Variants in MNT observed in about 807,000 individuals in gnomAD.
MNT encodes max-binding protein MNT.
A neutral mutation model predicts 40.7 loss-of-function variants in MNT; 13 were observed. That is an observed-to-expected ratio of 0.32 (90% CI 0.21 to 0.51). MNT has a LOEUF of 0.51. Among genes scored for constraint, MNT ranks in the 20% least tolerant of loss-of-function variants. The pLI, the probability that MNT is intolerant of heterozygous loss-of-function variation, is 0.98. For synonymous variants in MNT, 426 were observed against 354.8 expected, an observed-to-expected ratio of 1.20 and a Z score of -2.26; for missense variants, 757 against 792.0, an observed-to-expected ratio of 0.96 and a Z score of 0.53.
At chr17:2,387,836 A>T in intron 5 of MNT, 21 bp downstream of exon 5, 1 of 1,579,996 alleles carries the variant, frequency 6.3e-7, no homozygotes, top group South Asian at 1.1e-5. Context: ...CTGGGGGGCC[A>T]GCGTGGGGGC....
chr17:2,394,492 T>G lies in MNT; in HGVS notation c.654-146A>C, dbSNP rs1285962865. On this transcript the variant is annotated intron_variant, in intron 2 of 5. Transcript: ENST00000174618. ...ACTGGGAGACGTTCGCCCTGTGCCA[T>G]GCTGCGCCCACCCCCTGGAGGACAC... 3.3e-6 allele frequency: 4 copies of G among 1,203,664 alleles called. No homozygotes were observed. In the East Asian group the frequency reaches 9.4e-5, roughly 28 times the overall value. The allele number at this position is 1,203,664 out of a possible 1,614,324, so 74.6% of individuals were successfully genotyped here.
At position 2,386,930 on chromosome 17, in the gene MNT, A is replaced by G; in HGVS notation, c.1720T>C (p.Phe574Leu). 6.7e-7 allele frequency: 1 copy of G among 1,490,984 alleles called. No individual in the cohort carries two copies. Among genetic ancestry groups the G allele is most frequent in the Non-Finnish European group, 8.9e-7 (1 of 1,118,060 alleles). 92.4% of individuals were successfully genotyped at this position (1,490,984 alleles called of 1,614,324 possible). The part of the protein sequence containing the change: ...NPVTMVTMPS[F>L]PVSTLKLA ...GCCAGCTTGAGTGTGCTGACTGGGA[A>G]GGAGGGCATGGTGACCATGGTCACA... Residue 574 changes from phenylalanine (F) to leucine (L), a missense_variant, in exon 6 of 6, where the codon TTC becomes CTC. Physicochemically the swap from Phe to Leu is conservative, Grantham distance 22 (BLOSUM62 0). This residue lies in a region of MNT where 345 missense variants were observed against 380.1 expected (regional missense o/e 0.91). Transcript: ENST00000174618.
At position 2,400,938 on chromosome 17, in the gene MNT, GCA is replaced by G; in HGVS notation, c.-228_-227del. 9.5e-6 allele frequency: 3 copies of G among 315,798 alleles called. No homozygotes were observed. Among genetic ancestry groups the G allele is most frequent in the South Asian group, 8.6e-5 (1 of 11,570 alleles). 19.6% of individuals were successfully genotyped at this position (315,798 alleles called of 1,614,324 possible). ...AATTGCAAATTTAAAAAAATGGGAT[GCA>G]AAAAAAAAAAAAAGGCGGCACTGCC... is the stretch of plus-strand genomic sequence containing the variant. On this transcript the variant is annotated 5_prime_UTR_variant, in exon 1 of 6. Transcript: ENST00000174618.
intron 4 of MNT, 103 bp downstream of exon 4, chr17:2,393,940 G>A: frequency 4.4e-6 from 3 of 688,826 alleles, no homozygotes; most frequent in South Asian, 3.9e-5. Context: ...GGGAGGCGCG[G>A]GGGAGCCGCC....
intron 3 of MNT, 42 bp downstream of exon 3, chr17:2,394,263 G>GTGCA: frequency 6.6e-7 from 1 of 1,515,374 alleles, no homozygotes; most frequent in Admixed American, 1.9e-5. Context: ...CGGGTCGCGC[G>GTGCA]CGCACGCACG....
chr17:2,400,765 C>T lies in MNT; in HGVS notation c.-53G>A. 2 of 1,468,780 alleles carry T rather than the reference C, an allele frequency of 1.4e-6. No individual in the cohort carries two copies. Among genetic ancestry groups the T allele is most frequent in the Non-Finnish European group, 1.8e-6 (2 of 1,109,080 alleles). 91.0% of individuals were successfully genotyped at this position (1,468,780 alleles called of 1,614,324 possible). The stretch of plus-strand genomic sequence containing the variant: ...GGGGCCGAGGCTGCGGCCCGCGAGC[C>T]GGGCACAGGTCAGGCTGGCGGGCAG... On this transcript the variant is annotated 5_prime_UTR_variant, in exon 1 of 6. Coordinates refer to ENST00000174618, the MANE Select transcript of MNT (RefSeq NM_020310.3).
intron 1 of MNT, among the ~76,000 whole-genome samples, chr17:2,398,432 TC>T (rs1372795864): frequency 2.0e-5 from 3 of 152,172 alleles, no homozygotes; most frequent in Non-Finnish European, 4.4e-5. Flanking sequence ...TGGTCCTAGG[TC>T]CCGGGAAAGC....
chr17:2,394,705 A>T (rs1272168442), intron 2 of MNT, among the ~76,000 whole-genome samples, 170 bp downstream of exon 2: 3 of 152,116 alleles, frequency 2.0e-5, no homozygotes, highest in African/African-American at 7.2e-5. Context: ...AAGCCTGGGA[A>T]CGGGGGGCAA....
intron 4 of MNT, among the ~76,000 whole-genome samples, chr17:2,388,627 A>G (rs1406768247): frequency 6.6e-6 from 1 of 151,728 alleles, no homozygotes; most frequent in Non-Finnish European, 1.5e-5. Flanking sequence ...CTCCATTTAC[A>G]TGCTGCTCCC....
chr17:2,400,981 C>A lies in MNT; in HGVS notation c.-269G>T. 3 of 342,528 alleles carry A rather than the reference C, an allele frequency of 8.8e-6. No individual in the cohort carries two copies. The highest frequency in any genetic ancestry group is 1.1e-5 in the Non-Finnish European group (2 of 188,258). The allele number at this position is 342,528 out of a possible 1,614,324, so 21.2% of individuals were successfully genotyped here. A position where few individuals can be genotyped will look rare whatever the true frequency, so the allele number is the denominator to read the frequency against. On this transcript the variant is annotated 5_prime_UTR_variant, in exon 1 of 6. Coordinates refer to ENST00000174618, the MANE Select transcript of MNT (RefSeq NM_020310.3). ...CGGCACTGCCTCCCTTCTTCCCCTC[C>A]CTCTCTACCTCCCTTCCGATGCCTC...
Position 2,395,094 on chromosome 17 carries a change from G to C in MNT, c.434C>G (p.Thr145Ser), listed in dbSNP as rs1005928970. ...CGAGTCCGGCAGTAGGGGAGCAGGG[G>C]TGGGCACCTGCGGCCTGCTGGGCAG... ...APLPSRPQVP[T>S]PAPLLPDSKA... Residue 145 changes from threonine to serine, a missense_variant, in exon 2 of 6, where the codon ACC becomes AGC. By Grantham distance (58) the Thr-to-Ser change is moderately conservative. Transcript: ENST00000174618. 15 of 1,511,730 alleles carry C rather than the reference G, an allele frequency of 9.9e-6. No individual in the cohort carries two copies. The highest frequency in any genetic ancestry group is 1.8e-6 in the Non-Finnish European group (2 of 1,131,108). 93.6% of individuals were successfully genotyped at this position (1,511,730 alleles called of 1,614,324 possible). A position where few individuals can be genotyped will look rare whatever the true frequency, so the allele number is the denominator to read the frequency against.
At position 2,395,222 on chromosome 17, in the gene MNT, G is replaced by C; in HGVS notation, c.306C>G (p.Pro102=). 1 of 1,480,484 alleles carries C rather than the reference G, an allele frequency of 6.8e-7. No homozygotes were observed. Among genetic ancestry groups the C allele is most frequent in the Non-Finnish European group, 9.0e-7 (1 of 1,115,052 alleles). The allele number at this position is 1,480,484 out of a possible 1,614,324, so 91.7% of individuals were successfully genotyped here. ...PVVTNSPQPL[P]PPPPLPAAAQ... is the part of the protein sequence containing the mutation. ...CTGCCGCGGGCAAGGGTGGGGGTGG[G>C]GGTAGAGGCTGAGGGGAGTTGGTCA... Residue 102 remains proline, a synonymous_variant, in exon 2 of 6, where the codon CCC becomes CCG. Transcript: ENST00000174618.
chr17:2,395,690 G>A (rs1255562976), intron 1 of MNT, among the ~76,000 whole-genome samples: 1 of 151,766 alleles, frequency 6.6e-6, no homozygotes, highest in African/African-American at 2.4e-5. Context: ...AGTCACGGGG[G>A]CTGACAGTCA....
At position 2,386,563 on chromosome 17, in the gene MNT, G is replaced by C. The variant is rs900833462; in HGVS notation, c.*338C>G. 7.2e-6 allele frequency: 2 copies of C among 277,774 alleles called. No homozygotes were observed. Among genetic ancestry groups the C allele is most frequent in the Admixed American group, 4.9e-5 (1 of 20,220 alleles). 17.2% of individuals were successfully genotyped at this position (277,774 alleles called of 1,614,324 possible). ...GCAGCACACGAAGGCGGGGCAGGGC[G>C]GGGGAGAAGTCAGGGAGCGTGACGT... On this transcript the variant is annotated 3_prime_UTR_variant, in exon 6 of 6. Transcript: ENST00000174618.
chr17:2,387,693 A>G lies in MNT; in HGVS notation c.1001-44T>C, dbSNP rs780898044. The G allele has an allele frequency of 2.2e-5, 36 of 1,606,748 alleles. 1 individual carries two copies. In the South Asian group the frequency reaches 3.7e-4, roughly 17 times the overall value. On this transcript the variant is annotated intron_variant, in intron 5 of 5. Transcript: ENST00000174618. ...AGGGAGCAGGTCAGAAGGGCGGGGA[A>G]GCAAGTGGCTGGAGGCGTAGATGCT...
At chr17:2,392,757 CGA>C (rs1410179274) in intron 4 of MNT, 1 of 151,874 alleles carries the variant, frequency 6.6e-6, no homozygotes, top group Non-Finnish European at 1.5e-5. Context: ...CTCCGCGACT[CGA>C]GAGCACCGCC....
At chr17:2,394,236 C>G (rs1244406293) in intron 3 of MNT, 69 bp downstream of exon 3, 3 of 1,588,128 alleles carry the variant, frequency 1.9e-6, no homozygotes, top group South Asian at 1.1e-5. Context: ...AAGCTGGGGC[C>G]GAGGGCCGCC....
At chr17:2,395,543 T>C in intron 1 of MNT, 89 bp from the exon 2 acceptor site, 1 of 1,571,690 alleles carries the variant, frequency 6.4e-7, no homozygotes, top group East Asian at 2.3e-5. Flanking sequence ...GCCCAGTCAG[T>C]ACTCAGTGAC....
chr17:2,394,211 G>A, intron 3 of MNT, 57 bp from the exon 4 acceptor site: 7 of 1,597,904 alleles, frequency 4.4e-6, no homozygotes, highest in African/African-American at 1.4e-5. Flanking sequence ...GGGACGGGGG[G>A]AGGCAGGACC....
Sources: allele counts gnomAD v4.1 joint callset (sites outside exome capture counted in the v4.1 genomes callset), GRCh38; gene constraint gnomAD v4.1.1; regional missense constraint gnomAD v4.1.1; transcripts MANE v1.5; gene names NCBI Gene and HGNC (gene_info 2026-07-23, HGNC 2026-07-21).